The following PRKCH variants were observed in gnomAD, a reference collection of about 807,000 sequenced individuals.
PRKCH encodes the protein protein kinase C eta type.
In PRKCH, 28 loss-of-function variants were observed where a neutral mutation model predicts 82.5. The observed-to-expected ratio is 0.34, with a 90% confidence interval of 0.25 to 0.47. The LOEUF (loss-of-function observed/expected upper bound fraction) is 0.47. Ranked by LOEUF, PRKCH falls within the 20% of genes least tolerant of loss-of-function variation. PRKCH has a pLI of 1.00. For synonymous variants in PRKCH, 322 were observed against 327.4 expected (o/e 0.98, Z 0.18); for missense variants, 705 against 881.8 (o/e 0.80, Z 2.54).
intron 10 of PRKCH, among the ~76,000 whole-genome samples, chr14:61,509,034 A>G (rs1281148903): frequency 6.6e-6 from 1 of 151,958 alleles, no homozygotes; most frequent in Non-Finnish European, 1.5e-5. Flanking sequence ...GATTCCTGTA[A>G]TGCATTGTTA....
intron 1 of PRKCH, among the ~76,000 whole-genome samples, chr14:61,339,387 A>G (rs984016732): frequency 3.3e-5 from 5 of 149,398 alleles, no homozygotes; most frequent in African/African-American, 7.4e-5. Context: ...GCAGTGGCGC[A>G]ATCTCAGCTC....
At chr14:61,338,133 C>G (rs970911790) in intron 1 of PRKCH, among the ~76,000 whole-genome samples, 6 of 152,306 alleles carry the variant, frequency 3.9e-5, no homozygotes, top group South Asian at 2.1e-4. Context: ...GGCCACTGAT[C>G]TGCTTTCAGC....
At chr14:61,465,345 T>G (rs1459459280) in intron 9 of PRKCH, among the ~76,000 whole-genome samples, 1 of 152,242 alleles carries the variant, frequency 6.6e-6, no homozygotes, top group Non-Finnish European at 1.5e-5. Context: ...TTTGGTAATT[T>G]TACAGTTTTA....
chr14:61,212,147 T>A (rs1208111941), intron 1 of PRKCH, among the ~76,000 whole-genome samples: 1 of 152,198 alleles, frequency 6.6e-6, no homozygotes, highest in Non-Finnish European at 1.5e-5. Context: ...CAGGCTGGCT[T>A]AGAAAATCCA....
chr14:61,547,298 C>T (rs1312864838), intron 12 of PRKCH, among the ~76,000 whole-genome samples: 2 of 152,036 alleles, frequency 1.3e-5, no homozygotes, highest in Non-Finnish European at 2.9e-5. Flanking sequence ...TCTGTGGTCT[C>T]GTCAGAGAGC....
At chr14:61,401,585 A>C (rs1276889498) in intron 2 of PRKCH, among the ~76,000 whole-genome samples, 1 of 152,228 alleles carries the variant, frequency 6.6e-6, no homozygotes, top group African/African-American at 2.4e-5. Context: ...GGTGGGTAAA[A>C]GCATGGCACC....
rs112966753 is a variant in PRKCH at position 61,399,442 on chromosome 14, G to T, written c.427+8154G>T. 7.7e-3 allele frequency among the ~76,000 whole-genome samples: 1,174 copies of T among 152,222 alleles called. 20 individuals carry two copies. The highest frequency in any genetic ancestry group is 0.023 in the African/African-American group (973 of 41,538). ...TCCATGATTCTCAGTTTTTATGTAT[G>T]ATGAAAAAGTAAGTTAAAAATTTTA... On this transcript the variant is annotated intron_variant, in intron 2 of 13. Transcript: ENST00000332981.
At chr14:61,391,175 A>T (rs1176854388) in intron 1 of PRKCH, 50 bp from the exon 2 acceptor site, 4 of 1,516,904 alleles carry the variant, frequency 2.6e-6, no homozygotes, top group Non-Finnish European at 3.6e-6. Flanking sequence ...AAGGCCCACA[A>T]AAATATTTTA....
intron 1 of PRKCH, among the ~76,000 whole-genome samples, chr14:61,269,393 A>T (rs367776091): frequency 9.2e-5 from 14 of 152,188 alleles, no homozygotes; most frequent in African/African-American, 2.9e-4. Context: ...GTTCAGGGGT[A>T]CACGTGCAGG....
chr14:61,284,658 T>C (rs2045299178), intron 1 of PRKCH, among the ~76,000 whole-genome samples: 2 of 152,184 alleles, frequency 1.3e-5, no homozygotes, highest in African/African-American at 2.4e-5. Context: ...TTATTACATA[T>C]GTTGTGATGT....
chr14:61,243,534 C>T (rs1037359945), intron 1 of PRKCH, among the ~76,000 whole-genome samples: 1 of 151,994 alleles, frequency 6.6e-6, no homozygotes, highest in Non-Finnish European at 1.5e-5. Context: ...AGAGTAGCTA[C>T]AGCTTGGGGA....
chr14:61,242,712 A>C (rs936383817), intron 1 of PRKCH, among the ~76,000 whole-genome samples: 2 of 152,142 alleles, frequency 1.3e-5, no homozygotes, highest in Non-Finnish European at 2.9e-5. Context: ...TTGTTTTTTT[A>C]AAGGCCACTA....
At chr14:61,292,304 G>C (rs2045370146) in intron 1 of PRKCH, among the ~76,000 whole-genome samples, 1 of 145,352 alleles carries the variant, frequency 6.9e-6, no homozygotes, top group Non-Finnish European at 1.5e-5. Flanking sequence ...AGGAAACCCT[G>C]TCTCTACAAA....
intron 2 of PRKCH, among the ~76,000 whole-genome samples, chr14:61,400,417 A>G (rs1881546839): frequency 6.6e-6 from 1 of 152,204 alleles, no homozygotes; most frequent in African/African-American, 2.4e-5. Context: ...TTGAAGAATG[A>G]GTGACCACTT....
rs868468629 is a variant in PRKCH, at chr14:61,549,689, C to A, written c.1910C>A (p.Ser637Tyr). The stretch of plus-strand genomic sequence containing the variant: ...TTTCCCTTTTTTTTTTGGCAGAAAT[C>A]CCGAGAAGATGTCAGTAATTTTGAC... The part of the protein sequence containing the change: ...IEPPFRPRIK[S>Y]REDVSNFDPD... Residue 637 changes from serine to tyrosine, a missense_variant, in exon 14 of 14, where the codon TCC becomes TAC. Coordinates refer to ENST00000332981, the MANE Select transcript of PRKCH (RefSeq NM_006255.5). 6.2e-7 allele frequency: 1 copy of A among 1,607,808 alleles called. No individual in the cohort carries two copies. Among genetic ancestry groups the A allele is most frequent in the Admixed American group, 1.7e-5 (1 of 58,636 alleles).
intron 2 of PRKCH, among the ~76,000 whole-genome samples, chr14:61,414,258 A>T (rs1435119224): frequency 2.0e-5 from 3 of 149,158 alleles, no homozygotes; most frequent in Non-Finnish European, 4.4e-5. Context: ...GGCACTCTCA[A>T]TGGGCTTCAT....
chr14:61,393,367 T>C (rs933640806), intron 2 of PRKCH, among the ~76,000 whole-genome samples: 1 of 152,216 alleles, frequency 6.6e-6, no homozygotes, highest in Non-Finnish European at 1.5e-5. Flanking sequence ...GGAATTAACA[T>C]CTTAACAATC....
At chr14:61,441,689 T>C (rs1883980633) in intron 2 of PRKCH, among the ~76,000 whole-genome samples, 1 of 152,016 alleles carries the variant, frequency 6.6e-6, no homozygotes, top group Admixed American at 6.6e-5. Context: ...ACAAGTCCTC[T>C]TCTCCCTCAG....
intron 10 of PRKCH, among the ~76,000 whole-genome samples, chr14:61,512,249 CT>C (rs11342820): frequency 0.15 from 17,842 of 118,514 alleles, 1,909 homozygotes; most frequent in African/African-American, 0.34. Context: ...TCACATGACC[CT>C]TTTTTTTTTT....
Sources: gnomAD v4.1 joint callset for allele counts (sites outside exome capture counted in the v4.1 genomes callset) on GRCh38, gnomAD v4.1.1 for gene constraint, MANE v1.5 for transcripts, NCBI Gene and HGNC (gene_info 2026-07-23, HGNC 2026-07-21) for gene names.